Variants in CELSR1 observed in about 807,000 individuals in gnomAD.
CELSR1 encodes the protein cadherin EGF LAG seven-pass G-type receptor 1.
A neutral mutation model predicts 249.1 loss-of-function variants in CELSR1; 110 were observed. The ratio of observed to expected loss-of-function variants is 0.44; its 90% CI spans 0.38 to 0.52. CELSR1 has a LOEUF of 0.52. Among genes scored for constraint, CELSR1 ranks in the 20% least tolerant of loss-of-function variants. The pLI, the probability that CELSR1 is intolerant of heterozygous loss-of-function variation, is 0.00. For missense variants in CELSR1, 4,109 were observed against 4,296.4 expected (o/e 0.96, Z 1.22); for synonymous variants, 2,113 against 1,900.0 (o/e 1.11, Z -2.92).
At chr22:46,421,244 G>A (rs2079468574) in intron 5 of CELSR1, among the ~76,000 whole-genome samples, 1 of 152,190 alleles carries the variant, frequency 6.6e-6, no homozygotes. Context: ...AGCCCAGAGA[G>A]GGGAGGGAGG....
Position 46,365,703 on chromosome 22 carries a change from G to A in CELSR1, c.8301-14C>T, listed in dbSNP as rs766668014. On this transcript the variant is annotated splice_polypyrimidine_tract_variant and intron_variant, in intron 30 of 34. Coordinates refer to ENST00000674500, the MANE Select transcript of CELSR1 (RefSeq NM_001378328.1). ...ATCCCTTCATCCCTAGAGAGGCCAG[G>A]GAGGGTGGGCTCAGTATCATCCGTC... 38 of 1,556,158 alleles carry A rather than the reference G, an allele frequency of 2.4e-5. No homozygotes were observed. Among genetic ancestry groups the A allele is most frequent in the African/African-American group, 4.1e-5 (3 of 73,348 alleles).
Position 46,384,639 on chromosome 22 carries a change from C to A in CELSR1, c.6787G>T (p.Val2263Phe). The change falls in exon 20 of 35, where the codon GTC becomes TTC. Residue 2263 changes from valine to phenylalanine, a missense_variant. Around this residue, in one of 7 missense-constraint regions of CELSR1, gnomAD observed 1,805 missense variants for 1,831.6 expected, o/e 0.99. Coordinates refer to ENST00000674500, the MANE Select transcript of CELSR1 (RefSeq NM_001378328.1). ...FDKFNFTGAR[V>F]PRFDTIHEEF... ...TCATGGATGGTGTCGAATCGCGGGA[C>A]CCTGGCTCCCGTAAAGTTGAACTTG... 4.3e-6 allele frequency: 7 copies of A among 1,613,612 alleles called. No homozygotes were observed. Among genetic ancestry groups the A allele is most frequent in the Non-Finnish European group, 5.9e-6 (7 of 1,179,818 alleles).
intron 1 of CELSR1, among the ~76,000 whole-genome samples, chr22:46,478,444 G>T (rs1321246186): frequency 6.6e-6 from 1 of 152,216 alleles, no homozygotes; most frequent in Admixed American, 6.5e-5. Context: ...GCATGACAAT[G>T]CGGCCCTGAG....
At chr22:46,386,141 T>G (rs2079031208) in intron 19 of CELSR1, among the ~76,000 whole-genome samples, 1 of 152,130 alleles carries the variant, frequency 6.6e-6, no homozygotes, top group African/African-American at 2.4e-5. Context: ...GGCTACTTTT[T>G]GTATTTTTAG....
chr22:46,534,253 C>G lies in CELSR1; in HGVS notation c.2918G>C (p.Arg973Pro), dbSNP rs139147175. 5.6e-6 allele frequency: 9 copies of G among 1,613,442 alleles called. No individual in the cohort carries two copies. The highest frequency in any genetic ancestry group is 1.3e-5 in the African/African-American group (1 of 74,942). ...GGCGCTAAGGGGAGTGGGACTGCCC[C>G]GATCCACAGCCAGAGCCCAAAGGTT... is the stretch of plus-strand genomic sequence containing the variant. ...VYNLWALAVD[R>P]GSPTPLSASV... The change falls in exon 1 of 35, where the codon CGG (arginine) becomes CCG (proline). Residue 973 changes from arginine to proline, a missense_variant. Around this residue, in one of 7 missense-constraint regions of CELSR1, gnomAD observed 886 missense variants for 896.5 expected, o/e 0.99. Coordinates refer to ENST00000674500, the MANE Select transcript of CELSR1 (RefSeq NM_001378328.1). This position sits in a 1 kb window ranked among gnomAD's most constrained non-coding sequence, Gnocchi z 9.7.
chr22:46,489,395 C>T (rs908009999), intron 1 of CELSR1, among the ~76,000 whole-genome samples: 3 of 151,902 alleles, frequency 2.0e-5, no homozygotes, highest in African/African-American at 7.3e-5. Context: ...CCGTCACCAC[C>T]GTGAAGCACT....
intron 5 of CELSR1, among the ~76,000 whole-genome samples, chr22:46,415,565 T>A (rs6008811): frequency 6.6e-6 from 1 of 151,818 alleles, no homozygotes; most frequent in African/African-American, 2.4e-5. Context: ...CTGAATATAC[T>A]AGAAGCCCCT....
Position 46,436,423 on chromosome 22 carries a change from G to A in CELSR1, c.4407-134C>T, listed in dbSNP as rs1487144792. On this transcript the variant is annotated intron_variant, in intron 3 of 34. Transcript: ENST00000674500. The surrounding 1 kb of genome is among the most constrained non-coding windows in gnomAD (Gnocchi z 5.9). ...CAGGAAAGAATGGTGTCAGGCATGCGTCCTTCTCATAGGAGCAGACAGCCC... is the reference window on the plus strand; with the variant it reads ...CAGGAAAGAATGGTGTCAGGCATGCATCCTTCTCATAGGAGCAGACAGCCC... 9.6e-6 allele frequency: 6 copies of A among 626,410 alleles called. No individual in the cohort carries two copies. The highest frequency in any genetic ancestry group is 7.7e-5 in the South Asian group (4 of 52,268). 38.8% of individuals were successfully genotyped at this position (626,410 alleles called of 1,614,324 possible). A position where few individuals can be genotyped will look rare whatever the true frequency, so the allele number is the denominator to read the frequency against.
chr22:46,420,290 ACT>A (rs66866029), intron 5 of CELSR1, among the ~76,000 whole-genome samples: 3,004 of 147,028 alleles, frequency 0.02, 94 homozygotes, highest in African/African-American at 0.077. Flanking sequence ...ATATATGCAC[ACT>A]CAGCCACTCA....
At chr22:46,523,730 A>G (rs891182785) in intron 1 of CELSR1, among the ~76,000 whole-genome samples, 3 of 151,908 alleles carry the variant, frequency 2.0e-5, no homozygotes, top group Non-Finnish European at 4.4e-5. Context: ...CAGGCTCCTC[A>G]TCTGGTATCT....
chr22:46,411,803 C>G lies in CELSR1; in HGVS notation c.4612-44G>C. 3 of 1,610,340 alleles carry G rather than the reference C, an allele frequency of 1.9e-6. No homozygotes were observed. The highest frequency in any genetic ancestry group is 2.5e-6 in the Non-Finnish European group (3 of 1,179,300). On this transcript the variant is annotated intron_variant, in intron 5 of 34. Coordinates refer to ENST00000674500, the MANE Select transcript of CELSR1 (RefSeq NM_001378328.1). The surrounding 1 kb of genome is among the most constrained non-coding windows in gnomAD (Gnocchi z 4.2). ...CAGAAGGTGTCAGCGTTTTCTCCAC[C>G]AGTGCCCTCAGCAGGCGCACCTGTC...
In CELSR1 at chr22:46,402,013, G is replaced by A. The variant is rs1316320815; in HGVS notation, c.5227-2111C>T. ...TGAGACAGGAGAATTGCTTGAACTC[G>A]GGAGGCGGAGGTAGCAGTGAACCGA... On this transcript the variant is annotated intron_variant, in intron 9 of 34. Transcript: ENST00000674500. The surrounding 1 kb of genome is among the most constrained non-coding windows in gnomAD (Gnocchi z 5.0). Among the ~76,000 whole-genome samples, 2 of 151,894 alleles carry A rather than the reference G, an allele frequency of 1.3e-5. No individual in the cohort carries two copies. The highest frequency in any genetic ancestry group is 2.4e-5 in the African/African-American group (1 of 41,336).
rs76571849 is a variant in CELSR1 at position 46,473,575 on chromosome 22, C to G, written c.3545-9230G>C. Among the ~76,000 whole-genome samples the G allele has an allele frequency of 6.3e-3, 959 of 152,290 alleles. 9 individuals carry two copies. The highest frequency in any genetic ancestry group is 0.022 in the African/African-American group (914 of 41,568). The stretch of plus-strand genomic sequence containing the variant: ...CCACTCTCCCGTCACCAACGCCCCT[C>G]GAGGCCTGGTTAGGGCAGCCCATGA... On this transcript the variant is annotated intron_variant, in intron 1 of 34. Coordinates refer to ENST00000674500, the MANE Select transcript of CELSR1 (RefSeq NM_001378328.1). The surrounding 1 kb of genome is among the most constrained non-coding windows in gnomAD (Gnocchi z 6.6).
chr22:46,421,611 A>G (rs77443646), intron 5 of CELSR1, among the ~76,000 whole-genome samples: 13,391 of 152,234 alleles, frequency 0.088, 1,840 homozygotes, highest in African/African-American at 0.3. Context: ...AGCGCCTGCA[A>G]GCAGGGCCCT....
In CELSR1 at chr22:46,422,551, G is replaced by A. The variant is rs190024742; in HGVS notation, c.4612-10792C>T. Among the ~76,000 whole-genome samples the A allele has an allele frequency of 1.9e-3, 289 of 151,070 alleles. 10 individuals are homozygous for A. In the East Asian group the frequency reaches 0.049, roughly 26 times the overall value. ...TGACTGAGACCATCCTGGCCAACAC[G>A]GTGAAACCCCGTCTCTACTAAAAAA... On this transcript the variant is annotated intron_variant, in intron 5 of 34. Transcript: ENST00000674500.
At chr22:46,504,504 C>CAAAAAAAAAAA (rs11341314) in intron 1 of CELSR1, among the ~76,000 whole-genome samples, 4 of 109,292 alleles carry the variant, frequency 3.7e-5, no homozygotes, top group Non-Finnish European at 5.6e-5. Flanking sequence ...CATCTGTCTC[C>CAAAAAAAAAAA]AAAAAAAAAA....
chr22:46,420,544 CAG>C (rs1410409418), intron 5 of CELSR1, among the ~76,000 whole-genome samples: 2 of 152,230 alleles, frequency 1.3e-5, no homozygotes, highest in Non-Finnish European at 2.9e-5. Context: ...TGTGCACACA[CAG>C]ATATACTAGC....
In CELSR1 at chr22:46,399,700, T is replaced by A; in HGVS notation, c.5412+17A>T. On this transcript the variant is annotated intron_variant, in intron 10 of 34. Coordinates refer to ENST00000674500, the MANE Select transcript of CELSR1 (RefSeq NM_001378328.1). The surrounding 1 kb of genome is among the most constrained non-coding windows in gnomAD (Gnocchi z 5.0). ...AGGAAGGGTCTATCCCCAGAGGAGG[T>A]GCAGGTGCCAGCTCACCTGGTCCAT... 6.2e-7 allele frequency: 1 copy of A among 1,612,520 alleles called. No homozygotes were observed.
At chr22:46,476,906 G>A (rs1422387652) in intron 1 of CELSR1, among the ~76,000 whole-genome samples, 1 of 152,192 alleles carries the variant, frequency 6.6e-6, no homozygotes, top group Non-Finnish European at 1.5e-5. Context: ...TCATTTTAAA[G>A]TGGTAATTTT....
Sources: allele counts gnomAD v4.1 joint callset (sites outside exome capture counted in the v4.1 genomes callset), GRCh38; gene constraint gnomAD v4.1.1; regional missense constraint gnomAD v4.1.1; non-coding constraint Gnocchi (gnomAD v3.1); transcripts MANE v1.5; gene names NCBI Gene and HGNC (gene_info 2026-07-23, HGNC 2026-07-21).